The following RAB40B variants were observed in gnomAD, a reference collection of about 807,000 sequenced individuals.
RAB40B encodes RAB40B, member RAS oncogene family, also known as ras-related protein Rab-40B.
Under a neutral mutation model 24.0 loss-of-function variants are expected in RAB40B, and 21 were observed. The ratio of observed to expected loss-of-function variants is 0.88; its 90% CI spans 0.62 to 1.26. The LOEUF is 1.26. Ranked by LOEUF, RAB40B falls within the 50% of genes most tolerant of loss-of-function variation. The probability of loss-of-function intolerance (pLI) is 0.00; values close to 1 mark genes in which losing one functional copy is unlikely to be tolerated. For synonymous variants in RAB40B, 167 were observed against 169.8 expected, an observed-to-expected ratio of 0.98 and a Z score of 0.13; for missense variants, 348 against 390.5, an observed-to-expected ratio of 0.89 and a Z score of 0.92.
At chr17:82,685,867 G>A (rs2244551) in intron 1 of RAB40B, among the ~76,000 whole-genome samples, 77,981 of 149,890 alleles carry the variant, frequency 0.52, 21,162 homozygotes, top group East Asian at 0.69. Context: ...GCGATGGTGC[G>A]ATCTCAGCTC....
intron 2 of RAB40B, 31 bp downstream of exon 2, chr17:82,664,465 T>C: frequency 6.2e-7 from 1 of 1,607,942 alleles, no homozygotes; most frequent in Admixed American, 1.7e-5. Context: ...TCCCTGGGGG[T>C]GCGGGACGCT....
In RAB40B at chr17:82,697,664, C is replaced by T. The variant is rs2046624005; in HGVS notation, c.142+791G>A. On this transcript the variant is annotated intron_variant, in intron 1 of 5. Transcript: ENST00000571995. The surrounding 1 kb of genome is among the most constrained non-coding windows in gnomAD (Gnocchi z 4.9). Reference sequence around the variant, plus strand: ...CCCAGCCGAGGTGTTCGCCTCTGCGCGTTCCCCCTTCTCCTGGGTTCCTGC... The same window carrying T: ...CCCAGCCGAGGTGTTCGCCTCTGCGTGTTCCCCCTTCTCCTGGGTTCCTGC... Among the ~76,000 whole-genome samples, 1 of 152,238 alleles carries T rather than the reference C, an allele frequency of 6.6e-6. No individual in the cohort carries two copies. The highest frequency in any genetic ancestry group is 2.4e-5 in the African/African-American group (1 of 41,468).
chr17:82,666,909 C>T (rs960955071), intron 1 of RAB40B, among the ~76,000 whole-genome samples: 8 of 152,212 alleles, frequency 5.3e-5, no homozygotes, highest in African/African-American at 1.9e-4. Flanking sequence ...GCCTCACTCT[C>T]GGCTGTGATC....
chr17:82,666,607 T>G (rs1420265434), intron 1 of RAB40B, among the ~76,000 whole-genome samples: 1 of 148,888 alleles, frequency 6.7e-6, no homozygotes, highest in South Asian at 2.3e-4. Context: ...GACACCAGTG[T>G]TCTGCTTCTT....
intron 1 of RAB40B, among the ~76,000 whole-genome samples, chr17:82,678,020 T>G (rs1274763504): frequency 6.6e-6 from 1 of 152,232 alleles, no homozygotes; most frequent in African/African-American, 2.4e-5. Flanking sequence ...AACCATATCC[T>G]TTCATAGCTA....
At chr17:82,693,034 A>C (rs2046574101) in intron 1 of RAB40B, among the ~76,000 whole-genome samples, 1 of 151,214 alleles carries the variant, frequency 6.6e-6, no homozygotes, top group Admixed American at 6.6e-5. Flanking sequence ...ACAGAGTCCC[A>C]CTCTGTTGCC....
chr17:82,686,307 TC>T (rs986908632), intron 1 of RAB40B, among the ~76,000 whole-genome samples: 1 of 151,992 alleles, frequency 6.6e-6, no homozygotes, highest in Non-Finnish European at 1.5e-5. Flanking sequence ...AGATGGGATT[TC>T]CCCATGTTGG....
chr17:82,673,395 G>A (rs1188862828), intron 1 of RAB40B, among the ~76,000 whole-genome samples: 2 of 152,204 alleles, frequency 1.3e-5, no homozygotes, highest in African/African-American at 2.4e-5. Context: ...GCTCCCATCT[G>A]GACTGGGAGG....
chr17:82,662,828 A>C (rs760651675), intron 2 of RAB40B: 13 of 985,272 alleles, frequency 1.3e-5, no homozygotes, highest in Non-Finnish European at 1.6e-5. Flanking sequence ...TAAGGTGAGC[A>C]GCCAGACCCG....
At chr17:82,695,350 C>T (rs1467250333) in intron 1 of RAB40B, among the ~76,000 whole-genome samples, 1 of 151,162 alleles carries the variant, frequency 6.6e-6, no homozygotes, top group Non-Finnish European at 1.5e-5. Flanking sequence ...CGGCACCACG[C>T]CCAGCTAATT....
intron 1 of RAB40B, among the ~76,000 whole-genome samples, chr17:82,673,857 T>C (rs867362096): frequency 2.0e-5 from 3 of 152,328 alleles, no homozygotes; most frequent in Admixed American, 6.5e-5. Context: ...TTCTGGGATG[T>C]GATTAATCAG....
At position 82,667,665 on chromosome 17, in the gene RAB40B, C is replaced by T. The variant is rs1242244593; in HGVS notation, c.143-3109G>A. On this transcript the variant is annotated intron_variant, in intron 1 of 5. Transcript: ENST00000571995. This position sits in a 1 kb window ranked among gnomAD's most constrained non-coding sequence, Gnocchi z 4.3. ...CTCTGTCCACAGAGACTGCCCATCA[C>T]GCCACCAGGTAGATTAGACCAAGCA... Among the ~76,000 whole-genome samples, 4 of 152,196 alleles carry T rather than the reference C, an allele frequency of 2.6e-5. No individual in the cohort carries two copies. The highest frequency in any genetic ancestry group is 7.2e-5 in the African/African-American group (3 of 41,464).
chr17:82,668,675 G>C (rs1432174909), intron 1 of RAB40B, among the ~76,000 whole-genome samples: 1 of 152,246 alleles, frequency 6.6e-6, no homozygotes, highest in Non-Finnish European at 1.5e-5. Flanking sequence ...TGGGGAGTGA[G>C]GAGAGGCCAG....
Position 82,655,950 on chromosome 17 carries a change from C to CTT in RAB40B, c.*1911_*1912dup, listed in dbSNP as rs66478872. The stretch of plus-strand genomic sequence containing the variant: ...CCTGATTCTAGGGTCCCTTAAATTT[C>CTT]TTTTTTTTTTTTTTTTTTAGATGGA... On this transcript the variant is annotated 3_prime_UTR_variant, in exon 6 of 6. Transcript: ENST00000571995. 4.8e-4 allele frequency: 64 copies of CTT among 133,060 alleles called. 1 individual carries two copies. The highest frequency in any genetic ancestry group is 1.1e-3 in the East Asian group (5 of 4,510). The allele number at this position is 133,060 out of a possible 1,614,324, so 8.2% of individuals were successfully genotyped here.
At chr17:82,685,603 G>A (rs1432021256) in intron 1 of RAB40B, among the ~76,000 whole-genome samples, 3 of 152,268 alleles carry the variant, frequency 2.0e-5, no homozygotes, top group East Asian at 1.9e-4. Flanking sequence ...GAACCAACAG[G>A]GCCAGGGGCT....
intron 1 of RAB40B, among the ~76,000 whole-genome samples, chr17:82,670,064 C>T (rs554990645): frequency 3.6e-4 from 55 of 152,178 alleles, no homozygotes; most frequent in Non-Finnish European, 3.5e-4. Flanking sequence ...ACACTCACCC[C>T]CACGGGCTGA....
At chr17:82,666,731 G>A (rs2046262547) in intron 1 of RAB40B, among the ~76,000 whole-genome samples, 1 of 152,166 alleles carries the variant, frequency 6.6e-6, no homozygotes, top group South Asian at 2.1e-4. Flanking sequence ...CCGGGTAGGA[G>A]CACTGCCTTC....
intron 1 of RAB40B, among the ~76,000 whole-genome samples, chr17:82,679,880 G>A (rs1023466097): frequency 1.6e-5 from 2 of 123,778 alleles, no homozygotes; most frequent in African/African-American, 3.0e-5. Flanking sequence ...TGCTGCCCGA[G>A]CAGGCTGCGG....
intron 2 of RAB40B, chr17:82,661,971 C>T (rs2046179786): frequency 1.0e-6 from 1 of 985,184 alleles, no homozygotes; most frequent in African/African-American, 1.7e-5. Flanking sequence ...AGGAGGCGGC[C>T]CTGGGACAGC....
Sources: allele counts gnomAD v4.1 joint callset (sites outside exome capture counted in the v4.1 genomes callset), GRCh38; gene constraint gnomAD v4.1.1; non-coding constraint Gnocchi (gnomAD v3.1); transcripts MANE v1.5; gene names NCBI Gene and HGNC (gene_info 2026-07-23, HGNC 2026-07-21).